The following KANK1 variants were observed in gnomAD, a reference collection of about 807,000 sequenced individuals.
KANK1 encodes the protein KN motif and ankyrin repeat domains 1, also known as KN motif and ankyrin repeat domain-containing protein 1.
KANK1 carries 109 observed loss-of-function variants against 106.2 expected under a neutral mutation model. The observed-to-expected ratio is 1.03, with a 90% confidence interval of 0.88 to 1.20. KANK1 has a LOEUF of 1.20. KANK1 is among the 50% of genes most tolerant of loss of function. The pLI, the probability that KANK1 is intolerant of heterozygous loss-of-function variation, is 0.00. For missense variants in KANK1, 2,399 were observed against 1,710.7 expected (o/e 1.40, Z -7.10); for synonymous variants, 873 against 652.2 (o/e 1.34, Z -5.16).
intron 3 of KANK1, among the ~76,000 whole-genome samples, chr9:714,979 C>G (rs1294369283): frequency 6.6e-6 from 1 of 151,410 alleles, no homozygotes; most frequent in African/African-American, 2.4e-5. Flanking sequence ...GTGATACAGA[C>G]TTAAGCCATC....
chr9:515,742 T>C (rs1244019294), intron 1 of KANK1, among the ~76,000 whole-genome samples: 5 of 151,850 alleles, frequency 3.3e-5, no homozygotes, highest in African/African-American at 1.2e-4. Flanking sequence ...TGATGCACCA[T>C]TTTTTAAAGG....
chr9:712,373 C>CGTGTGTTGG lies in KANK1; in HGVS notation c.1609_1617dup (p.Cys537_Gly539dup). 6.2e-7 allele frequency: 1 copy of CGTGTGTTGG among 1,614,152 alleles called. No individual in the cohort carries two copies. The highest frequency in any genetic ancestry group is 8.5e-7 in the Non-Finnish European group (1 of 1,180,042). On this transcript the variant is annotated inframe_insertion, in exon 3 of 12. Transcript: ENST00000382297. ...GGCAGTCACATGGACCTGGTGGACACGTGTGTTGGGACCTCCGTGGAAACA... is the reference window on the plus strand; with the variant it reads ...GGCAGTCACATGGACCTGGTGGACACGTGTGTTGGGTGTGTTGGGACCTCCGTGGAAACA...
chr9:535,579 G>A (rs1194859985), intron 1 of KANK1, among the ~76,000 whole-genome samples: 2 of 152,168 alleles, frequency 1.3e-5, no homozygotes, highest in African/African-American at 4.8e-5. Flanking sequence ...TAAGGAAAAT[G>A]GCTTTACTCT....
At chr9:665,704 G>A (rs1307491052) in intron 1 of KANK1, among the ~76,000 whole-genome samples, 2 of 152,046 alleles carry the variant, frequency 1.3e-5, no homozygotes, top group South Asian at 2.1e-4. Flanking sequence ...GAATATTGTT[G>A]GTATTTTGAT....
chr9:532,473 C>T (rs2060109586), intron 1 of KANK1, among the ~76,000 whole-genome samples: 2 of 150,124 alleles, frequency 1.3e-5, no homozygotes, highest in Admixed American at 6.7e-5. Context: ...CATCCATCTC[C>T]AGAACTCTTT....
intron 1 of KANK1, among the ~76,000 whole-genome samples, chr9:519,947 G>C (rs777133910): frequency 2.6e-5 from 4 of 151,708 alleles, no homozygotes; most frequent in Non-Finnish European, 4.4e-5. Flanking sequence ...ACTCATATTA[G>C]TCTAGTTATG....
chr9:714,034 T>TGC (rs1340376178), intron 3 of KANK1, among the ~76,000 whole-genome samples: 9 of 152,010 alleles, frequency 5.9e-5, no homozygotes, highest in Non-Finnish European at 1.2e-4. Flanking sequence ...AGCCCAGAAA[T>TGC]TTGAGACCAG....
At chr9:653,777 A>G (rs1233663174) in intron 1 of KANK1, among the ~76,000 whole-genome samples, 1 of 152,082 alleles carries the variant, frequency 6.6e-6, no homozygotes, top group East Asian at 2.0e-4. Context: ...CAAATAAAAA[A>G]GAAGGAGAGG....
chr9:511,114 G>A (rs2059011034), intron 1 of KANK1, among the ~76,000 whole-genome samples: 1 of 152,220 alleles, frequency 6.6e-6, no homozygotes, highest in South Asian at 2.1e-4. Flanking sequence ...ACTCTGGAAA[G>A]GAAAGGGATG....
chr9:617,273 C>A (rs1235345207), intron 1 of KANK1, among the ~76,000 whole-genome samples: 1 of 152,060 alleles, frequency 6.6e-6, no homozygotes, highest in Non-Finnish European at 1.5e-5. Context: ...TCACTCGTTG[C>A]CTTCCTTGTT....
At chr9:556,042 G>A (rs2052904346) in intron 1 of KANK1, among the ~76,000 whole-genome samples, 1 of 152,144 alleles carries the variant, frequency 6.6e-6, no homozygotes, top group South Asian at 2.1e-4. Flanking sequence ...AAAGTTGTTG[G>A]TGGGGTACTA....
chr9:726,361 A>G (rs765879039), intron 3 of KANK1, among the ~76,000 whole-genome samples: 29 of 152,168 alleles, frequency 1.9e-4, no homozygotes, highest in Non-Finnish European at 3.1e-4. Context: ...CTGAGAGGCC[A>G]GGCACGGTTG....
rs144507441 is a variant in KANK1, at chr9:727,440, C to T, written c.2699-2611C>T. ...AAGTGATTCTCCTACCTCAGCCTCCCGAGCAGCTCTGGATTACAGGCACTC... is the reference window on the plus strand; with the variant it reads ...AAGTGATTCTCCTACCTCAGCCTCCTGAGCAGCTCTGGATTACAGGCACTC... On this transcript the variant is annotated intron_variant, in intron 3 of 11. Transcript: ENST00000382297. Among the ~76,000 whole-genome samples, 940 of 151,556 alleles carry T rather than the reference C, an allele frequency of 6.2e-3. 16 individuals carry two copies. Among genetic ancestry groups the T allele is most frequent in the African/African-American group, 0.021 (888 of 41,398 alleles).
intron 1 of KANK1, among the ~76,000 whole-genome samples, chr9:506,950 C>T (rs781451542): frequency 7.9e-5 from 12 of 152,058 alleles, no homozygotes; most frequent in African/African-American, 1.4e-4. Context: ...ACACTTCACT[C>T]GGGCTTTTTG....
chr9:692,133 T>C (rs545208307), intron 2 of KANK1, among the ~76,000 whole-genome samples: 16 of 152,266 alleles, frequency 1.1e-4, no homozygotes, highest in East Asian at 7.7e-4. Flanking sequence ...GGCACAGTTT[T>C]ATAAGAATTC....
chr9:723,882 C>T (rs1432810700), intron 3 of KANK1, among the ~76,000 whole-genome samples: 1 of 150,268 alleles, frequency 6.7e-6, no homozygotes, highest in Non-Finnish European at 1.5e-5. Context: ...AGCTTGAACC[C>T]AGCAGTTCGA....
chr9:724,213 T>G (rs1402365144), intron 3 of KANK1, among the ~76,000 whole-genome samples: 1 of 152,162 alleles, frequency 6.6e-6, no homozygotes, highest in East Asian at 1.9e-4. Flanking sequence ...TTTTTTAGAG[T>G]TCTTTTAGGG....
chr9:594,380 T>TC (rs1212659098), intron 1 of KANK1, among the ~76,000 whole-genome samples: 3 of 151,900 alleles, frequency 2.0e-5, no homozygotes, highest in Non-Finnish European at 4.4e-5. Flanking sequence ...AACTCGTTCT[T>TC]CAAAACTTTC....
chr9:543,926 G>C (rs996063190), intron 1 of KANK1, among the ~76,000 whole-genome samples: 1 of 151,926 alleles, frequency 6.6e-6, no homozygotes, highest in African/African-American at 2.4e-5. Flanking sequence ...TAATTTCTCA[G>C]TTTTTTGTTT....
Sources: allele counts gnomAD v4.1 joint callset (sites outside exome capture counted in the v4.1 genomes callset), GRCh38; gene constraint gnomAD v4.1.1; transcripts MANE v1.5; gene names NCBI Gene and HGNC (gene_info 2026-07-23, HGNC 2026-07-21).